KMT2C: variants seen among roughly 807,000 people sequenced by gnomAD.
The protein encoded by KMT2C is histone-lysine N-methyltransferase 2C.
In KMT2C, 88 loss-of-function variants were observed where a neutral mutation model predicts 507.9. The observed-to-expected ratio is 0.17, with a 90% CI of 0.15 to 0.21. The LOEUF is 0.21. Among genes scored for constraint, KMT2C ranks in the 10% least tolerant of loss-of-function variants. KMT2C has a pLI of 1.00. For missense variants in KMT2C, 4,954 were observed against 5,957.8 expected, an observed-to-expected ratio of 0.83 and a Z score of 5.55; for synonymous variants, 2,049 against 2,080.8, an observed-to-expected ratio of 0.98 and a Z score of 0.42.
chr7:152,296,623 T>C (rs7796107), intron 6 of KMT2C, among the ~76,000 whole-genome samples: 22,432 of 151,820 alleles, frequency 0.15, 4,409 homozygotes, highest in African/African-American at 0.45. Context: ...AGGAACTGGA[T>C]CAAGAAAGAG....
At chr7:152,365,251 CTA>C (rs1369913458) in intron 1 of KMT2C, among the ~76,000 whole-genome samples, 1 of 152,210 alleles carries the variant, frequency 6.6e-6, no homozygotes, top group African/African-American at 2.4e-5. Context: ...TGGCTCACGC[CTA>C]TAATCCCAGC....
chr7:152,429,563 C>T (rs1243911743), intron 1 of KMT2C, among the ~76,000 whole-genome samples: 2 of 151,796 alleles, frequency 1.3e-5, no homozygotes, highest in Non-Finnish European at 1.5e-5. Flanking sequence ...CTCTGTCGCC[C>T]AGGCTGGTGT....
chr7:152,170,596 G>A (rs1563230291), intron 40 of KMT2C, among the ~76,000 whole-genome samples: 7 of 152,218 alleles, frequency 4.6e-5, no homozygotes, highest in Non-Finnish European at 7.4e-5. Flanking sequence ...TCTGCCTCCC[G>A]GGTTCAAGCG....
At chr7:152,387,767 G>A (rs887636870) in intron 1 of KMT2C, among the ~76,000 whole-genome samples, 9 of 151,898 alleles carry the variant, frequency 5.9e-5, no homozygotes, top group East Asian at 5.8e-4. Flanking sequence ...CACCGCGCCC[G>A]GCCTAATTCC....
intron 2 of KMT2C, among the ~76,000 whole-genome samples, chr7:152,353,502 T>C (rs1371264827): frequency 6.6e-6 from 1 of 152,192 alleles, no homozygotes; most frequent in Admixed American, 6.5e-5. Flanking sequence ...AGCATTCTTT[T>C]CTTTTTTCTG....
chr7:152,185,152 G>A (rs1334464181), intron 34 of KMT2C, among the ~76,000 whole-genome samples: 3 of 152,184 alleles, frequency 2.0e-5, no homozygotes, highest in Non-Finnish European at 4.4e-5. Flanking sequence ...TAAAAACAAT[G>A]ACAAGGGAAA....
At chr7:152,319,090 T>C (rs922731427) in intron 3 of KMT2C, among the ~76,000 whole-genome samples, 1 of 152,176 alleles carries the variant, frequency 6.6e-6, no homozygotes, top group Non-Finnish European at 1.5e-5. Context: ...ATTACTTAAA[T>C]ATTCTATAAA....
intron 18 of KMT2C, among the ~76,000 whole-genome samples, chr7:152,229,155 G>T (rs1383575647): frequency 6.6e-6 from 1 of 152,160 alleles, no homozygotes; most frequent in East Asian, 1.9e-4. Context: ...ACTGAGGTTA[G>T]TATTTATATT....
intron 27 of KMT2C, among the ~76,000 whole-genome samples, chr7:152,196,574 G>A (rs1381269940): frequency 6.6e-6 from 1 of 152,132 alleles, no homozygotes; most frequent in Non-Finnish European, 1.5e-5. Flanking sequence ...TCACGTATCA[G>A]GCATTGCCCA....
Position 152,414,231 on chromosome 7 carries a change from T to C in KMT2C, c.161+21395A>G, listed in dbSNP as rs2097711362. On this transcript the variant is annotated intron_variant, in intron 1 of 58. Coordinates refer to ENST00000262189, the MANE Select transcript of KMT2C (RefSeq NM_170606.3). ...TTTCAAAAAAAAAAAAAAATGCATA[T>C]GAAACACAAAAAGCTGGGTGTGGTG... Among the ~76,000 whole-genome samples, 7 of 138,224 alleles carry C rather than the reference T, an allele frequency of 5.1e-5. No homozygotes were observed. In the South Asian group the frequency reaches 1.6e-3, roughly 31 times the overall value. The allele number at this position is 138,224 out of a possible 152,430, so 90.7% of individuals were successfully genotyped here.
intron 1 of KMT2C, among the ~76,000 whole-genome samples, chr7:152,421,652 T>G (rs1247914090): frequency 1.3e-5 from 2 of 152,186 alleles, no homozygotes; most frequent in Non-Finnish European, 2.9e-5. Flanking sequence ...AGCCAAATAC[T>G]GTGTGTTCTA....
chr7:152,187,835 C>T lies in KMT2C; in HGVS notation c.4673G>A (p.Arg1558Gln), dbSNP rs750712242. 8.7e-6 allele frequency: 14 copies of T among 1,611,986 alleles called. No homozygotes were observed. The highest frequency in any genetic ancestry group is 2.2e-5 in the East Asian group (1 of 44,844). Residue 1558 changes from arginine (R) to glutamine (Q), a missense_variant, in exon 32 of 59, where the codon CGG becomes CAG. Coordinates refer to ENST00000262189, the MANE Select transcript of KMT2C (RefSeq NM_170606.3). The part of the protein sequence containing the change: ...LPIHNQDAFS[R>Q]MPLMNGLIGS... ...AATAAGGCCATTCATGAGAGGCATC[C>T]GTGAAAAAGCATCTTCAGAGAAAAA...
intron 1 of KMT2C, among the ~76,000 whole-genome samples, chr7:152,397,785 C>T (rs2097546038): frequency 6.6e-6 from 1 of 152,134 alleles, no homozygotes; most frequent in African/African-American, 2.4e-5. Context: ...AGAGGAAACA[C>T]CTTTCACTTG....
At chr7:152,267,309 G>A (rs1009698996) in intron 7 of KMT2C, among the ~76,000 whole-genome samples, 9 of 152,134 alleles carry the variant, frequency 5.9e-5, no homozygotes, top group Non-Finnish European at 1.3e-4. Context: ...ATAGCCAGAT[G>A]TTCTAAAAAC....
chr7:152,174,413 T>G (rs918736115), intron 38 of KMT2C, among the ~76,000 whole-genome samples, 171 bp from the exon 39 acceptor site: 1 of 152,214 alleles, frequency 6.6e-6, no homozygotes, highest in Non-Finnish European at 1.5e-5. Context: ...CTTAACTGAA[T>G]CATGCTTTAA....
Position 152,257,440 on chromosome 7 carries a change from C to G in KMT2C, c.1300-4725G>C, listed in dbSNP as rs189793561. Among the ~76,000 whole-genome samples the G allele has an allele frequency of 1.3e-4, 20 of 152,198 alleles. No individual in the cohort carries two copies. In the East Asian group the frequency reaches 2.1e-3, roughly 16 times the overall value. ...GCAGTGACAATTCTGAGTAAAACTTCATATAGTATTGAGTTTTGAAAGTAT... is the reference window on the plus strand; with the variant it reads ...GCAGTGACAATTCTGAGTAAAACTTGATATAGTATTGAGTTTTGAAAGTAT... On this transcript the variant is annotated intron_variant, in intron 9 of 58. Transcript: ENST00000262189.
intron 26 of KMT2C, among the ~76,000 whole-genome samples, chr7:152,201,463 C>A (rs1396243008): frequency 6.6e-6 from 1 of 151,740 alleles, no homozygotes; most frequent in Non-Finnish European, 1.5e-5. Context: ...AGTTTTCATA[C>A]TTGCAGAAAC....
intron 24 of KMT2C, among the ~76,000 whole-genome samples, chr7:152,206,399 T>C (rs2094309914): frequency 6.6e-6 from 1 of 152,052 alleles, no homozygotes; most frequent in Non-Finnish European, 1.5e-5. Flanking sequence ...CATAAAACAA[T>C]TCAGAAGCAA....
At chr7:152,357,394 G>C (rs1297055107) in intron 2 of KMT2C, among the ~76,000 whole-genome samples, 1 of 152,024 alleles carries the variant, frequency 6.6e-6, no homozygotes, top group Non-Finnish European at 1.5e-5. Context: ...TGTGGTGGCG[G>C]GCGCCTGTAG....
Sources: gnomAD v4.1 joint callset for allele counts (sites outside exome capture counted in the v4.1 genomes callset) on GRCh38, gnomAD v4.1.1 for gene constraint, MANE v1.5 for transcripts, NCBI Gene and HGNC (gene_info 2026-07-23, HGNC 2026-07-21) for gene names.